The following SH3KBP1 variants were observed in gnomAD, a reference collection of about 807,000 sequenced individuals.
SH3KBP1 encodes the protein SH3 domain containing kinase binding protein 1.
SH3KBP1 carries 8 observed loss-of-function variants against 50.1 expected under a neutral mutation model. That is an observed-to-expected ratio of 0.16 (90% CI 0.09 to 0.29). The LOEUF is 0.29. SH3KBP1 is among the 10% of genes least tolerant of loss of function. SH3KBP1 has a pLI of 1.00. For missense variants in SH3KBP1, 377 were observed against 535.2 expected, an observed-to-expected ratio of 0.70 and a Z score of 2.92; for synonymous variants, 227 against 218.6, an observed-to-expected ratio of 1.04 and a Z score of -0.34.
intron 7 of SH3KBP1, among the ~76,000 whole-genome samples, chrX:19,641,653 A>G (rs976759594): frequency 1.8e-5 from 2 of 111,890 alleles, no homozygotes; most frequent in African/African-American, 6.5e-5. Context: ...TTTAAGAGAT[A>G]CATTATGTGC....
intron 6 of SH3KBP1, among the ~76,000 whole-genome samples, chrX:19,669,468 C>T (rs2062728892): frequency 9.1e-6 from 1 of 110,412 alleles, no homozygotes; most frequent in African/African-American, 3.3e-5. Context: ...AAGGCAAAAC[C>T]TGTCAGGCCC....
At chrX:19,791,142 T>A (rs1370974482) in intron 2 of SH3KBP1, among the ~76,000 whole-genome samples, 1 of 111,634 alleles carries the variant, frequency 9.0e-6, no homozygotes, top group Non-Finnish European at 1.9e-5. Context: ...TAGATGAGAT[T>A]CTACCTTTGT....
intron 1 of SH3KBP1, among the ~76,000 whole-genome samples, chrX:19,864,077 C>G (rs2068843588): frequency 1.8e-5 from 2 of 111,102 alleles, no homozygotes; most frequent in Admixed American, 1.9e-4. Flanking sequence ...GCTCTAGCAG[C>G]CCCTGGTAAG....
At chrX:19,594,379 C>T (rs1016249674) in intron 10 of SH3KBP1, among the ~76,000 whole-genome samples, 5 of 111,973 alleles carry the variant, frequency 4.5e-5, no homozygotes, top group Admixed American at 9.5e-5. Context: ...CTGAACTACA[C>T]AGAAAAAAAG....
chrX:19,643,327 T>A (rs1477853277), intron 7 of SH3KBP1, among the ~76,000 whole-genome samples: 39 of 90,757 alleles, frequency 4.3e-4, no homozygotes, highest in Non-Finnish European at 1.0e-4. Flanking sequence ...TTTTTATTTT[T>A]TTTTTTTTTT....
chrX:19,712,726 A>G (rs997216967), intron 3 of SH3KBP1, among the ~76,000 whole-genome samples: 1 of 111,343 alleles, frequency 9.0e-6, no homozygotes, highest in Non-Finnish European at 1.9e-5. Context: ...AGCCTTACCC[A>G]AGTGATCCAA....
chrX:19,660,580 G>A (rs932304965), intron 6 of SH3KBP1, among the ~76,000 whole-genome samples: 3 of 111,944 alleles, frequency 2.7e-5, no homozygotes, highest in Admixed American at 9.5e-5. Context: ...GAAGGCATCA[G>A]TTAAGGTGGT....
At chrX:19,653,763 TACACACACACACACACACAC>T (rs60424271) in intron 6 of SH3KBP1, among the ~76,000 whole-genome samples, 2,617 of 80,196 alleles carry the variant, frequency 0.033, 100 homozygotes, top group African/African-American at 0.096. Flanking sequence ...TATGTCTAAA[TACACACACACACACACACAC>T]ACACACACAC....
chrX:19,605,767 A>C (rs1254783740), intron 9 of SH3KBP1, among the ~76,000 whole-genome samples: 4 of 112,103 alleles, frequency 3.6e-5, no homozygotes, highest in Non-Finnish European at 7.5e-5. Context: ...AAAGGACTCA[A>C]TAAATACTGA....
At chrX:19,783,182 T>C (rs923391284) in intron 2 of SH3KBP1, among the ~76,000 whole-genome samples, 1 of 112,166 alleles carries the variant, frequency 8.9e-6, no homozygotes, top group Non-Finnish European at 1.9e-5. Flanking sequence ...CAACCCTTTT[T>C]CTCGTTGCAA....
At position 19,643,300 on chromosome X, in the gene SH3KBP1, A is replaced by ATTTTTTTTTTTTTTTTTTTT. The variant is rs201544483; in HGVS notation, c.802+2099_802+2100insAAAAAAAAAAAAAAAAAAAA. On this transcript the variant is annotated intron_variant, in intron 7 of 17. Coordinates refer to ENST00000397821, the MANE Select transcript of SH3KBP1 (RefSeq NM_031892.3). The stretch of plus-strand genomic sequence containing the variant: ...AGTGTGTGTGGGCTGAAACTGAAGA[A>ATTTTTTTTTTTTTTTTTTTT]TTTTTTATTTTTTTTTTTTTTATTT... 6.9e-5 allele frequency among the ~76,000 whole-genome samples: 6 copies of ATTTTTTTTTTTTTTTTTTTT among 86,908 alleles called. 2 individuals carry two copies. Among genetic ancestry groups the ATTTTTTTTTTTTTTTTTTTT allele is most frequent in the African/African-American group, 3.4e-4 (6 of 17,408 alleles). The allele number at this position is 86,908 out of a possible 115,157, so 75.5% of individuals were successfully genotyped here. A position where few individuals can be genotyped will look rare whatever the true frequency, so the allele number is the denominator to read the frequency against.
At position 19,719,439 on chromosome X, in the gene SH3KBP1, CT is replaced by C. The variant is rs749972582; in HGVS notation, c.287-12456del. Among the ~76,000 whole-genome samples the C allele has an allele frequency of 7.2e-5, 8 of 111,721 alleles. No individual in the cohort carries two copies. The East Asian group carries it at 2.2e-3, about 31-fold the overall frequency. Reference sequence around the variant, plus strand: ...CTGACCCCCCCAAATCAAGTTTCTACTTCCAACGTAATAGTCAAAGGGGCCA... The same window carrying C: ...CTGACCCCCCCAAATCAAGTTTCTACTCCAACGTAATAGTCAAAGGGGCCA... On this transcript the variant is annotated intron_variant, in intron 3 of 17. Transcript: ENST00000397821.
At chrX:19,675,160 C>G (rs1249367559) in intron 6 of SH3KBP1, among the ~76,000 whole-genome samples, 1 of 111,340 alleles carries the variant, frequency 9.0e-6, no homozygotes, top group Admixed American at 9.6e-5. Flanking sequence ...TCTTTCTACT[C>G]TAATAACAAT....
chrX:19,550,930 G>A (rs2065219979), intron 13 of SH3KBP1, among the ~76,000 whole-genome samples: 1 of 111,244 alleles, frequency 9.0e-6, no homozygotes, highest in Admixed American at 9.6e-5. Context: ...TTTATTTGCA[G>A]CTAAAAACAT....
At chrX:19,798,977 A>G (rs934351990) in intron 2 of SH3KBP1, among the ~76,000 whole-genome samples, 7 of 112,076 alleles carry the variant, frequency 6.2e-5, no homozygotes, top group Non-Finnish European at 1.1e-4. Flanking sequence ...ATGGCTGCAC[A>G]GTTAGCTGAG....
intron 1 of SH3KBP1, among the ~76,000 whole-genome samples, chrX:19,837,594 C>G (rs1416923027): frequency 1.9e-5 from 2 of 107,287 alleles, no homozygotes; most frequent in Non-Finnish European, 3.8e-5. Context: ...ATGCATGCCA[C>G]CCCACCCAGC....
chrX:19,698,849 C>G (rs1054716708), intron 4 of SH3KBP1, among the ~76,000 whole-genome samples: 3 of 111,455 alleles, frequency 2.7e-5, no homozygotes, highest in Non-Finnish European at 5.7e-5. Context: ...CATTCATTCA[C>G]TCATTCTAAG....
At chrX:19,615,844 C>T (rs1466212653) in intron 8 of SH3KBP1, among the ~76,000 whole-genome samples, 2 of 110,920 alleles carry the variant, frequency 1.8e-5, no homozygotes, top group Non-Finnish European at 3.8e-5. Flanking sequence ...GTCCTAGGGA[C>T]GAGCTTACTC....
At chrX:19,615,386 C>A (rs1691256366) in intron 8 of SH3KBP1, among the ~76,000 whole-genome samples, 2 of 112,431 alleles carry the variant, frequency 1.8e-5, no homozygotes, top group South Asian at 7.4e-4. Context: ...TTCTTCATGA[C>A]CTTCCCTGAT....
Sources: gnomAD v4.1 joint callset for allele counts (sites outside exome capture counted in the v4.1 genomes callset) on GRCh38, gnomAD v4.1.1 for gene constraint, MANE v1.5 for transcripts, NCBI Gene and HGNC (gene_info 2026-07-23, HGNC 2026-07-21) for gene names.